A3GALT2: variants seen among roughly 807,000 people sequenced by gnomAD.
The protein encoded by A3GALT2 is alpha-1,3-galactosyltransferase 2.
In A3GALT2, 14 loss-of-function variants were observed where a neutral mutation model predicts 16.6. The observed-to-expected ratio is 0.84, with a 90% confidence interval of 0.56 to 1.32. The LOEUF (loss-of-function observed/expected upper bound fraction) is 1.32. Ranked by LOEUF, A3GALT2 falls within the 40% of genes most tolerant of loss-of-function variation. The pLI, the probability that A3GALT2 is intolerant of heterozygous loss-of-function variation, is 0.00. For synonymous variants in A3GALT2, 253 were observed against 218.0 expected, an observed-to-expected ratio of 1.16 and a Z score of -1.42; for missense variants, 600 against 490.9, an observed-to-expected ratio of 1.22 and a Z score of -2.10.
intron 1 of A3GALT2, chr1:33,313,849 A>C (rs139131476): frequency 6.6e-6 from 1 of 151,734 alleles, no homozygotes; most frequent in Non-Finnish European, 1.5e-5. Flanking sequence ...GGTAATAAGA[A>C]CTCCTGCCTT....
At chr1:33,316,169 G>T (rs1646260637) in intron 1 of A3GALT2, among the ~76,000 whole-genome samples, 2 of 152,148 alleles carry the variant, frequency 1.3e-5, no homozygotes, top group Admixed American at 1.3e-4. Context: ...AAGGCATGGA[G>T]GGGGAAGAGA....
rs1308329923 is a variant in A3GALT2 at position 33,306,830 on chromosome 1, C to T, written c.959G>A (p.Arg320Gln). ...CAGTCGCGGGCGGCGGATCTCGGCC[C>T]GCGGGCCGATGTCCGGGCTCCAGCA... The part of the protein sequence containing the change: ...EFCWSPDIGP[R>Q]AEIRRPRLLW... The change falls in exon 5 of 5, where the codon CGG (arginine) becomes CAG (glutamine). Residue 320 changes from arginine to glutamine, a missense_variant. Coordinates refer to ENST00000442999, the MANE Select transcript of A3GALT2 (RefSeq NM_001080438.1). The T allele has an allele frequency of 6.7e-7, 1 of 1,494,560 alleles. No homozygotes were observed. The highest frequency in any genetic ancestry group is 8.9e-7 in the Non-Finnish European group (1 of 1,128,860). 92.6% of individuals were successfully genotyped at this position (1,494,560 alleles called of 1,614,324 possible).
rs1340330201 is a variant in A3GALT2 at position 33,306,835 on chromosome 1, G to GC, written c.953dup (p.Arg320AlafsTer?). The GC allele has an allele frequency of 2.0e-6, 3 of 1,499,488 alleles. No individual in the cohort carries two copies. Among genetic ancestry groups the GC allele is most frequent in the Non-Finnish European group, 2.7e-6 (3 of 1,131,136 alleles). 92.9% of individuals were successfully genotyped at this position (1,499,488 alleles called of 1,614,324 possible). A position where few individuals can be genotyped will look rare whatever the true frequency, so the allele number is the denominator to read the frequency against. Reference sequence around the variant, plus strand: ...GCGGGCGGCGGATCTCGGCCCGCGGGCCGATGTCCGGGCTCCAGCAGAACT... The same window carrying GC: ...GCGGGCGGCGGATCTCGGCCCGCGGGCCCGATGTCCGGGCTCCAGCAGAACT... On this transcript the variant is annotated frameshift_variant, in exon 5 of 5. Coordinates refer to ENST00000442999, the MANE Select transcript of A3GALT2 (RefSeq NM_001080438.1). LOFTEE classifies it low-confidence loss of function (END_TRUNC).
intron 1 of A3GALT2, among the ~76,000 whole-genome samples, chr1:33,318,530 C>T (rs999910957): frequency 6.6e-6 from 1 of 152,136 alleles, no homozygotes; most frequent in Admixed American, 6.6e-5. Context: ...TCCTGGCCTC[C>T]CTCACTGTCC....
rs746374082 is a variant in A3GALT2 at position 33,312,861 on chromosome 1, A to T, written c.53T>A (p.Ile18Asn). The change falls in exon 2 of 5, where the codon ATC (isoleucine) becomes AAC (asparagine). Residue 18 changes from isoleucine (I) to asparagine (N), a missense_variant. By Grantham distance (149) the Ile-to-Asn change is moderately radical. Coordinates refer to ENST00000442999, the MANE Select transcript of A3GALT2 (RefSeq NM_001080438.1). Reference sequence around the variant, plus strand: ...GCCTAAGAGGCCAAGTGTAAGTAGGATCTGCCGCCAGAAGATTCTCTTCCA... The same window carrying T: ...GCCTAAGAGGCCAAGTGTAAGTAGGTTCTGCCGCCAGAAGATTCTCTTCCA... ...RAWKRIFWRQ[I>N]LLTLGLLGLF... 9 of 1,607,004 alleles carry T rather than the reference A, an allele frequency of 5.6e-6. No homozygotes were observed. In the South Asian group the frequency reaches 1.0e-4, roughly 18 times the overall value.
At chr1:33,308,306 C>T (rs1232223129) in intron 4 of A3GALT2, among the ~76,000 whole-genome samples, 3 of 151,764 alleles carry the variant, frequency 2.0e-5, no homozygotes, top group African/African-American at 7.3e-5. Context: ...AAGCTGGCCC[C>T]CACCAGTCTT....
In A3GALT2 at chr1:33,307,466, C is replaced by T. The variant is rs368453003; in HGVS notation, c.336-13G>A. The T allele has an allele frequency of 1.2e-4, 174 of 1,479,788 alleles. No individual in the cohort carries two copies. In the African/African-American group the frequency reaches 2.3e-3, roughly 20 times the overall value. 91.7% of individuals were successfully genotyped at this position (1,479,788 alleles called of 1,614,324 possible). A position where few individuals can be genotyped will look rare whatever the true frequency, so the allele number is the denominator to read the frequency against. ...CTTCTCCAGGTATCTAAGGGCGCGGCGCCACCGTCAGCCTGAGAGTGAAGC... is the reference window on the plus strand; with the variant it reads ...CTTCTCCAGGTATCTAAGGGCGCGGTGCCACCGTCAGCCTGAGAGTGAAGC... On this transcript the variant is annotated splice_polypyrimidine_tract_variant and intron_variant, in intron 4 of 4. Transcript: ENST00000442999.
At chr1:33,312,413 TG>T in intron 3 of A3GALT2, 87 bp downstream of exon 3, 1 of 1,375,098 alleles carries the variant, frequency 7.3e-7, no homozygotes, top group Non-Finnish European at 9.9e-7. Context: ...TCTGCTGGGG[TG>T]GGAGATGTGT....
intron 1 of A3GALT2, among the ~76,000 whole-genome samples, chr1:33,316,169 G>C (rs1646260637): frequency 6.6e-6 from 1 of 152,150 alleles, no homozygotes; most frequent in Admixed American, 6.5e-5. Context: ...AAGGCATGGA[G>C]GGGGAAGAGA....
At chr1:33,312,472 T>G in intron 3 of A3GALT2, 29 bp downstream of exon 3, 2 of 1,543,564 alleles carry the variant, frequency 1.3e-6, no homozygotes, top group South Asian at 2.5e-5. Context: ...GGGGGTGCCC[T>G]TGGAGTAGGA....
At chr1:33,312,264 C>T in intron 3 of A3GALT2, 75 bp from the exon 4 acceptor site, 1 of 1,580,780 alleles carries the variant, frequency 6.3e-7, no homozygotes, top group Non-Finnish European at 8.6e-7. Flanking sequence ...CTGCCACCTC[C>T]CCAGTGCTGA....
At chr1:33,318,137 G>A (rs180906433) in intron 1 of A3GALT2, among the ~76,000 whole-genome samples, 8 of 152,314 alleles carry the variant, frequency 5.3e-5, no homozygotes, top group Non-Finnish European at 1.0e-4. Context: ...TTGCAGTCAC[G>A]TATAGCCGCG....
intron 3 of A3GALT2, 47 bp downstream of exon 3, chr1:33,312,454 T>G (rs1428820755): frequency 1.3e-6 from 2 of 1,504,932 alleles, no homozygotes; most frequent in Non-Finnish European, 1.8e-6. Flanking sequence ...CAGAGCTGTG[T>G]AGGGTTTGGG....
Position 33,307,084 on chromosome 1 carries a change from T to C in A3GALT2, c.705A>G (p.Glu235=). Residue 235 remains glutamate, a synonymous_variant, in exon 5 of 5, where the codon GAA becomes GAG. Coordinates refer to ENST00000442999, the MANE Select transcript of A3GALT2 (RefSeq NM_001080438.1). The part of the protein sequence containing the change: ...YHWPSWLLPF[E]RDAHSAAAMA... ...TCGCGGCGGCCGAATGCGCGTCGCG[T>C]TCGAAGGGCAGCAGCCACGACGGCC... 6.6e-7 allele frequency: 1 copy of C among 1,521,756 alleles called. No homozygotes were observed. The highest frequency in any genetic ancestry group is 8.8e-7 in the Non-Finnish European group (1 of 1,137,162). The allele number at this position is 1,521,756 out of a possible 1,614,324, so 94.3% of individuals were successfully genotyped here.
chr1:33,310,871 C>T (rs2148158859), intron 4 of A3GALT2, among the ~76,000 whole-genome samples: 1 of 152,316 alleles, frequency 6.6e-6, no homozygotes, highest in African/African-American at 2.4e-5. Context: ...AGCACCGAGG[C>T]CTTGGGAGAG....
chr1:33,307,181 T>A lies in A3GALT2; in HGVS notation c.608A>T (p.His203Leu), dbSNP rs773474485. Residue 203 changes from histidine to leucine, a missense_variant, in exon 5 of 5, where the codon CAC (histidine) becomes CTC (leucine). By Grantham distance (99) the His-to-Leu change is moderately conservative (BLOSUM62 -3). Transcript: ENST00000442999. ...CTCGGGCCCAAAAGTGCCGCTGAAG[T>A]GCTGGTCCACGTCCATGCAGAACAT... ...HFMFCMDVDQHFSGTFGPEAL... is the reference protein window; with the variant it reads ...HFMFCMDVDQLFSGTFGPEAL... 1.9e-6 allele frequency: 3 copies of A among 1,550,530 alleles called. No individual in the cohort carries two copies. In the Admixed American group the frequency reaches 5.7e-5, roughly 30 times the overall value.
At chr1:33,309,968 G>A (rs910922760) in intron 4 of A3GALT2, among the ~76,000 whole-genome samples, 31 of 152,260 alleles carry the variant, frequency 2.0e-4, no homozygotes, top group Non-Finnish European at 1.3e-4. Flanking sequence ...GTAGGTGGAG[G>A]TTGTAGCGAA....
intron 4 of A3GALT2, among the ~76,000 whole-genome samples, chr1:33,311,086 C>T (rs759576689): frequency 2.6e-5 from 4 of 152,156 alleles, no homozygotes; most frequent in Admixed American, 6.5e-5. Context: ...GGGAGGCTCT[C>T]ACCACCTTCC....
chr1:33,312,922 T>C (rs1646242607), intron 1 of A3GALT2, 32 bp from the exon 2 acceptor site: 3 of 1,492,336 alleles, frequency 2.0e-6, no homozygotes, highest in African/African-American at 2.8e-5. Flanking sequence ...CAGTAACTCA[T>C]TTATATGTAT....
Sources: gnomAD v4.1 joint callset for allele counts (sites outside exome capture counted in the v4.1 genomes callset) on GRCh38, gnomAD v4.1.1 for gene constraint, MANE v1.5 for transcripts, NCBI Gene and HGNC (gene_info 2026-07-23, HGNC 2026-07-21) for gene names.